MICU3: variants seen among roughly 807,000 people sequenced by gnomAD.
MICU3 encodes calcium uptake protein 3, mitochondrial.
MICU3 carries 62 observed loss-of-function variants against 66.5 expected under a neutral mutation model. The observed-to-expected ratio is 0.93, with a 90% CI of 0.76 to 1.15. The LOEUF (loss-of-function observed/expected upper bound fraction) is 1.15. Ranked by LOEUF, MICU3 falls within the 50% of genes most tolerant of loss-of-function variation. The probability of loss-of-function intolerance (pLI) is 0.00; values close to 1 mark genes in which losing one functional copy is unlikely to be tolerated. For synonymous variants in MICU3, 308 were observed against 240.7 expected (o/e 1.28, Z -2.59); for missense variants, 779 against 664.4 (o/e 1.17, Z -1.90).
Position 17,085,323 on chromosome 8 carries a change from G to A in MICU3, c.777+5G>A. On this transcript the variant is annotated splice_donor_5th_base_variant and intron_variant, in intron 6 of 14. Coordinates refer to ENST00000318063, the MANE Select transcript of MICU3 (RefSeq NM_181723.3). ...GATAAAAAAGAGTTTTTGGTGGTAT[G>A]TATACTAGATGCTGCACTTTATCAA... 6.4e-7 allele frequency: 1 copy of A among 1,559,488 alleles called. No homozygotes were observed. The highest frequency in any genetic ancestry group is 1.1e-5 in the South Asian group (1 of 89,056).
At chr8:17,102,874 A>C (rs1801389504) in intron 9 of MICU3, 1 of 151,998 alleles carries the variant, frequency 6.6e-6, no homozygotes, top group Non-Finnish European at 1.5e-5. Context: ...ATTTCTCAAC[A>C]AAGTAAACTG....
At chr8:17,137,185 T>C in the MICU3 span, among the ~76,000 whole-genome samples, 1 of 152,156 alleles carries the variant, frequency 6.6e-6, no homozygotes, top group South Asian at 2.1e-4. Context: ...AAGGTTGCAA[T>C]ATCCTTGGGG....
chr8:17,127,202 C>G (rs1003782906), downstream of MICU3, among the ~76,000 whole-genome samples: 1 of 152,122 alleles, frequency 6.6e-6, no homozygotes, highest in Non-Finnish European at 1.5e-5. Flanking sequence ...GAAAAGCACC[C>G]TGAAAATCTA....
At chr8:17,064,925 A>G (rs549892532) in intron 2 of MICU3, among the ~76,000 whole-genome samples, 1 of 152,106 alleles carries the variant, frequency 6.6e-6, no homozygotes, top group Admixed American at 6.6e-5. Context: ...TTGCAGCTTC[A>G]AAAGTCTCTA....
chr8:17,080,587 G>C (rs1342758443), intron 4 of MICU3, among the ~76,000 whole-genome samples: 1 of 151,916 alleles, frequency 6.6e-6, no homozygotes. Context: ...AGACTCTTAA[G>C]TATTGTATCT....
At chr8:17,042,225 G>T (rs999404901) in intron 1 of MICU3, among the ~76,000 whole-genome samples, 1 of 152,112 alleles carries the variant, frequency 6.6e-6, no homozygotes, top group Non-Finnish European at 1.5e-5. Flanking sequence ...CACAGCAAAT[G>T]CACCAAACTT....
chr8:17,095,208 T>A (rs536443119), intron 8 of MICU3, among the ~76,000 whole-genome samples: 378 of 152,128 alleles, frequency 2.5e-3, no homozygotes, highest in African/African-American at 8.7e-3. Context: ...TTCTGCTGGC[T>A]CTCACTTAGG....
intron 9 of MICU3, among the ~76,000 whole-genome samples, 188 bp downstream of exon 9, chr8:17,098,741 A>G (rs1056328615): frequency 9.9e-5 from 15 of 151,750 alleles, no homozygotes; most frequent in Non-Finnish European, 2.1e-4. Context: ...AACTTAATTA[A>G]AAGGAAATGG....
intron 3 of MICU3, 40 bp downstream of exon 3, chr8:17,069,759 TGTGC>T: frequency 1.1e-6 from 1 of 893,736 alleles, no homozygotes; most frequent in African/African-American, 1.7e-5. Flanking sequence ...AAATTTTATA[TGTGC>T]ATGCATATAT....
chr8:17,133,506 T>A, the MICU3 span, among the ~76,000 whole-genome samples: 13 of 152,292 alleles, frequency 8.5e-5, 1 homozygote, highest in South Asian at 2.7e-3. Context: ...TATATATATA[T>A]CTCAAAGATT....
chr8:17,090,415 A>G (rs564209203), intron 7 of MICU3, 131 bp from the exon 8 acceptor site: 188 of 696,556 alleles, frequency 2.7e-4, no homozygotes, highest in Non-Finnish European at 4.0e-4. Context: ...CGTGTGCTCT[A>G]TATAAAATGT....
chr8:17,133,410 C>T, the MICU3 span, among the ~76,000 whole-genome samples: 3 of 152,086 alleles, frequency 2.0e-5, no homozygotes, highest in African/African-American at 7.2e-5. Context: ...TCTGTTCATT[C>T]ACTTTCTTTG....
intron 6 of MICU3, among the ~76,000 whole-genome samples, chr8:17,085,532 G>GT (rs906199759): frequency 5.3e-5 from 8 of 152,104 alleles, no homozygotes; most frequent in Non-Finnish European, 1.2e-4. Flanking sequence ...GATTATCGTT[G>GT]TTTTTTACCT....
chr8:17,098,642 A>G (rs1800982956), intron 9 of MICU3, 89 bp downstream of exon 9: 6 of 834,318 alleles, frequency 7.2e-6, no homozygotes, highest in Non-Finnish European at 1.2e-5. Flanking sequence ...GATGAAACCC[A>G]ACATGTATGT....
chr8:17,097,489 G>A (rs1184679986), intron 8 of MICU3, among the ~76,000 whole-genome samples: 1 of 151,592 alleles, frequency 6.6e-6, no homozygotes, highest in Non-Finnish European at 1.5e-5. Flanking sequence ...AGTGTTTCTA[G>A]TTAGTAATAG....
chr8:17,086,076 A>C (rs1799437167), intron 6 of MICU3, among the ~76,000 whole-genome samples: 1 of 152,092 alleles, frequency 6.6e-6, no homozygotes, highest in African/African-American at 2.4e-5. Flanking sequence ...ACACTCTCCG[A>C]GTAAAAAGAA....
At chr8:17,070,271 T>A (rs1485380020) in intron 3 of MICU3, among the ~76,000 whole-genome samples, 1 of 152,104 alleles carries the variant, frequency 6.6e-6, no homozygotes, top group Non-Finnish European at 1.5e-5. Flanking sequence ...AATGTTGATA[T>A]ATTCATATAG....
At chr8:17,087,601 T>A (rs1327323820) in intron 7 of MICU3, among the ~76,000 whole-genome samples, 1 of 152,036 alleles carries the variant, frequency 6.6e-6, no homozygotes, top group Non-Finnish European at 1.5e-5. Context: ...CAGGTTCACA[T>A]AATAAAAATA....
chr8:17,085,436 G>A, intron 6 of MICU3, 118 bp downstream of exon 6: 1 of 559,502 alleles, frequency 1.8e-6, no homozygotes, highest in Non-Finnish European at 3.2e-6. Flanking sequence ...TTACGCTTTT[G>A]CCTTTACTTA....
Sources: gnomAD v4.1 joint callset for allele counts (sites outside exome capture counted in the v4.1 genomes callset) on GRCh38, gnomAD v4.1.1 for gene constraint, MANE v1.5 for transcripts, NCBI Gene and HGNC (gene_info 2026-07-23, HGNC 2026-07-21) for gene names.